ERAP1: variants seen among roughly 807,000 people sequenced by gnomAD.
ERAP1 encodes endoplasmic reticulum aminopeptidase 1, also known as adipocyte-derived leucine aminopeptidase.
Under a neutral mutation model 103.7 loss-of-function variants are expected in ERAP1, and 86 were observed. The observed-to-expected ratio is 0.83, with a 90% CI of 0.70 to 0.99. ERAP1 has a LOEUF of 0.99. Ranked by LOEUF, ERAP1 falls within the 50% of genes least tolerant of loss-of-function variation. The pLI is 0.00. For synonymous variants in ERAP1, 398 were observed against 402.4 expected (o/e 0.99, Z 0.13); for missense variants, 1,009 against 1,128.4 (o/e 0.89, Z 1.52).
At chr5:96,889,862 A>ACG in the ERAP1 span, among the ~76,000 whole-genome samples, 1 of 144,484 alleles carries the variant, frequency 6.9e-6, no homozygotes, top group Non-Finnish European at 1.5e-5. Context: ...ACACACACAC[A>ACG]CGCATTGCAT....
At chr5:96,789,206 G>C (rs1350088734) in intron 10 of ERAP1, among the ~76,000 whole-genome samples, 2 of 152,198 alleles carry the variant, frequency 1.3e-5, no homozygotes, top group East Asian at 3.8e-4. Flanking sequence ...AGTAGTAAAG[G>C]CTGGGCGCGG....
chr5:96,809,479 C>T (rs1368616901), upstream of ERAP1, among the ~76,000 whole-genome samples: 3 of 152,148 alleles, frequency 2.0e-5, no homozygotes, highest in African/African-American at 4.8e-5. Context: ...ACTGGGGATT[C>T]CAAGTCACTG....
At chr5:96,768,988 TAGC>T (rs1771109497) in intron 19 of ERAP1, 1 of 152,272 alleles carries the variant, frequency 6.6e-6, no homozygotes, top group Non-Finnish European at 1.5e-5. Context: ...GCCTGGTACT[TAGC>T]AGGTGCTCAA....
intron 10 of ERAP1, among the ~76,000 whole-genome samples, chr5:96,789,891 G>A (rs72773950): frequency 0.092 from 13,958 of 152,286 alleles, 847 homozygotes; most frequent in Middle Eastern, 0.16. Context: ...ACATATAAGT[G>A]CTTAACATGT....
the ERAP1 span, among the ~76,000 whole-genome samples, chr5:96,838,988 A>T: frequency 6.6e-6 from 1 of 152,172 alleles, no homozygotes; most frequent in South Asian, 2.1e-4. Context: ...GCTGGCTACA[A>T]CTCCAGGAGT....
At chr5:96,809,261 T>G (rs1249186568), upstream of ERAP1, among the ~76,000 whole-genome samples, 1 of 152,240 alleles carries the variant, frequency 6.6e-6, no homozygotes. Flanking sequence ...TCTCATTCTG[T>G]GACTTAGAAT....
chr5:96,844,523 G>A, the ERAP1 span, among the ~76,000 whole-genome samples: 10 of 152,102 alleles, frequency 6.6e-5, no homozygotes, highest in East Asian at 1.9e-4. Flanking sequence ...TAATATGGTC[G>A]CTCGTTAATG....
the ERAP1 span, among the ~76,000 whole-genome samples, chr5:96,893,427 C>T: frequency 6.6e-6 from 1 of 152,206 alleles, no homozygotes; most frequent in Non-Finnish European, 1.5e-5. Flanking sequence ...GAGCCATGCT[C>T]AACACTGTGC....
chr5:96,788,039 C>A (rs74602852), intron 11 of ERAP1, among the ~76,000 whole-genome samples: 7,185 of 152,116 alleles, frequency 0.047, 280 homozygotes, highest in East Asian at 0.16. Context: ...TTAACGGTAT[C>A]CATCCAGGGT....
intron 1 of ERAP1, among the ~76,000 whole-genome samples, chr5:96,805,213 G>A (rs1778438794): frequency 6.6e-6 from 1 of 152,002 alleles, no homozygotes; most frequent in African/African-American, 2.4e-5. Flanking sequence ...CCTAACTCTG[G>A]CTGCATATTA....
At chr5:96,899,905 C>A in the ERAP1 span, among the ~76,000 whole-genome samples, 1 of 152,308 alleles carries the variant, frequency 6.6e-6, no homozygotes, top group Non-Finnish European at 1.5e-5. Context: ...GGAAACTTTA[C>A]ACATGCGTAT....
rs754631998 is a variant in ERAP1, at chr5:96,792,064, A to T, written c.1317T>A (p.Asp439Glu). The change falls in exon 8 of 19, where the codon GAT (aspartate) becomes GAA (glutamate). Residue 439 changes from aspartate to glutamate, a missense_variant. This residue lies in a region of ERAP1 where 611 missense variants were observed against 651.7 expected (regional missense o/e 0.94). Transcript: ENST00000443439. ...IREMFDDVSYDKGACILNMLR... is the reference protein window; with the variant it reads ...IREMFDDVSYEKGACILNMLR... The stretch of plus-strand genomic sequence containing the variant: ...CTTATACTCAATCTACTTTTACCTT[A>T]TCATAAGAAACATCATCAAACATCT... The T allele has an allele frequency of 2.5e-6, 4 of 1,613,874 alleles. No homozygotes were observed. The highest frequency in any genetic ancestry group is 1.7e-5 in the Admixed American group (1 of 60,000).
downstream of ERAP1, chr5:96,773,276 A>C (rs1284852233): frequency 6.5e-6 from 1 of 153,366 alleles, no homozygotes; most frequent in African/African-American, 2.4e-5. Context: ...AGGTGTGAGG[A>C]CTTCTGCATC....
the ERAP1 span, among the ~76,000 whole-genome samples, chr5:96,854,779 C>T: frequency 6.6e-6 from 1 of 152,070 alleles, no homozygotes; most frequent in Non-Finnish European, 1.5e-5. Flanking sequence ...TGGAGTCATG[C>T]TTTATTTTTC....
chr5:96,889,898 GAAT>G, the ERAP1 span, among the ~76,000 whole-genome samples: 1 of 151,738 alleles, frequency 6.6e-6, no homozygotes, highest in Non-Finnish European at 1.5e-5. Flanking sequence ...ATTTCTGGAG[GAAT>G]CACCATACCT....
rs1561665264 is a variant in ERAP1, at chr5:96,780,406, A to AGAT, written c.2670+14_2670+16dup. On this transcript the variant is annotated intron_variant, in intron 18 of 18. Coordinates refer to ENST00000443439, the MANE Select transcript of ERAP1 (RefSeq NM_001040458.3). ...CATTTATGTTTAAAAATATATATAT[A>AGAT]GATTTTTTTTTTTTACCTCTTCAAG... 4.8e-6 allele frequency: 7 copies of AGAT among 1,456,800 alleles called. No homozygotes were observed. Among genetic ancestry groups the AGAT allele is most frequent in the Non-Finnish European group, 6.5e-6 (7 of 1,069,178 alleles). 90.2% of individuals were successfully genotyped at this position (1,456,800 alleles called of 1,614,324 possible).
the ERAP1 span, among the ~76,000 whole-genome samples, chr5:96,914,806 GT>G: frequency 6.6e-6 from 1 of 152,148 alleles, no homozygotes; most frequent in African/African-American, 2.4e-5. Flanking sequence ...AAACACAGTG[GT>G]ATCCAAAATG....
intron 8 of ERAP1, 143 bp downstream of exon 8, chr5:96,791,918 A>G (rs1776771277): frequency 1.3e-6 from 1 of 797,330 alleles, no homozygotes; most frequent in Non-Finnish European, 2.1e-6. Flanking sequence ...GTTAGTCCTA[A>G]AAGAGTTGAC....
the ERAP1 span, among the ~76,000 whole-genome samples, chr5:96,846,875 T>C: frequency 4.6e-5 from 7 of 151,684 alleles, no homozygotes; most frequent in South Asian, 8.4e-4. Context: ...GAACTGAAGG[T>C]TCTATTTGGA....
Sources: allele counts gnomAD v4.1 joint callset (sites outside exome capture counted in the v4.1 genomes callset), GRCh38; gene constraint gnomAD v4.1.1; regional missense constraint gnomAD v4.1.1; transcripts MANE v1.5; gene names NCBI Gene and HGNC (gene_info 2026-07-23, HGNC 2026-07-21).